ANKS6: variants seen among roughly 807,000 people sequenced by gnomAD.
ANKS6 encodes ankyrin repeat and sterile alpha motif domain containing 6.
Under a neutral mutation model 77.9 loss-of-function variants are expected in ANKS6, and 47 were observed. That is an observed-to-expected ratio of 0.60 (90% CI 0.48 to 0.77). The LOEUF (loss-of-function observed/expected upper bound fraction) is 0.77. Among genes scored for constraint, ANKS6 ranks in the 30% least tolerant of loss-of-function variants. The pLI is 0.00. For synonymous variants in ANKS6, 488 were observed against 501.7 expected (o/e 0.97, Z 0.37); for missense variants, 1,150 against 1,159.1 (o/e 0.99, Z 0.11).
rs1425219034 is a variant in ANKS6, at chr9:98,790,477, G to A, written c.489C>T (p.Leu163=). 3 of 1,613,564 alleles carry A rather than the reference G, an allele frequency of 1.9e-6. No individual in the cohort carries two copies. Among genetic ancestry groups the A allele is most frequent in the Admixed American group, 3.3e-5 (2 of 59,978 alleles). Residue 163 remains leucine (L), a synonymous_variant, in exon 2 of 15, where the codon CTC becomes CTT. Transcript: ENST00000353234. Reference sequence around the variant, plus strand: ...GGTCCACAAAGGCACCGGCTTCCAGGAGCAGCTTCACCACACCCAGGTGGC... The same window carrying A: ...GGTCCACAAAGGCACCGGCTTCCAGAAGCAGCTTCACCACACCCAGGTGGC... ...RGGHLGVVKL[L]LEAGAFVDHH...
chr9:98,742,826 C>T (rs1046913375), intron 14 of ANKS6, among the ~76,000 whole-genome samples: 6 of 121,460 alleles, frequency 4.9e-5, no homozygotes, highest in Non-Finnish European at 7.8e-5. Flanking sequence ...TGCAGACTGT[C>T]GCAGAAGAGG....
In ANKS6 at chr9:98,766,280, CATATA is replaced by C. The variant is rs1588370127; in HGVS notation, c.2142+1796_2142+1800del. Among the ~76,000 whole-genome samples the C allele has an allele frequency of 3.3e-5, 5 of 152,156 alleles. No homozygotes were observed. The East Asian group carries it at 7.7e-4, about 23-fold the overall frequency. ...TGATCAATACATCAAAATAATAGTT[CATATA>C]ATAGAGAATAGTTAATATAATTTAT... On this transcript the variant is annotated intron_variant, in intron 11 of 14. Transcript: ENST00000353234.
chr9:98,789,615 A>T (rs1427761210), intron 2 of ANKS6, among the ~76,000 whole-genome samples: 1 of 152,186 alleles, frequency 6.6e-6, no homozygotes, highest in African/African-American at 2.4e-5. Flanking sequence ...TTTTGTAGTT[A>T]TAATTTATTG....
chr9:98,755,778 A>G (rs898524629), intron 12 of ANKS6, among the ~76,000 whole-genome samples: 2 of 152,200 alleles, frequency 1.3e-5, no homozygotes, highest in African/African-American at 4.8e-5. Context: ...GGACACAGAG[A>G]TAGTCAAGGG....
In ANKS6 at chr9:98,734,720, C is replaced by A; in HGVS notation, c.*1799G>T. 1 of 950,064 alleles carries A rather than the reference C, an allele frequency of 1.1e-6. No individual in the cohort carries two copies. The highest frequency in any genetic ancestry group is 1.3e-6 in the Non-Finnish European group (1 of 797,740). 58.9% of individuals were successfully genotyped at this position (950,064 alleles called of 1,614,324 possible). On this transcript the variant is annotated 3_prime_UTR_variant, in exon 15 of 15. Transcript: ENST00000353234. ...ATGTGCAAGATGAGGTTACACAATG[C>A]CACCTCCAGGGTGGCCATGAGGATG...
chr9:98,796,135 G>C lies in ANKS6; in HGVS notation c.357C>G (p.Ala119=). ...HYGWSALMQA[A]RFGHVSVAHL... ...GCCCCCGGGCCCCGCCGCCTCACCTGGCCGCCTGCATGAGCGCGCTCCAGC... is the reference window on the plus strand; with the variant it reads ...GCCCCCGGGCCCCGCCGCCTCACCTCGCCGCCTGCATGAGCGCGCTCCAGC... The change falls in exon 1 of 15, where the codon GCC becomes GCG. Residue 119 remains alanine (A), a splice_region_variant and synonymous_variant. Coordinates refer to ENST00000353234, the MANE Select transcript of ANKS6 (RefSeq NM_173551.5). 1 of 1,375,874 alleles carries C rather than the reference G, an allele frequency of 7.3e-7. No individual in the cohort carries two copies. Among genetic ancestry groups the C allele is most frequent in the East Asian group, 3.1e-5 (1 of 32,280 alleles). The allele number at this position is 1,375,874 out of a possible 1,614,324, so 85.2% of individuals were successfully genotyped here. A position where few individuals can be genotyped will look rare whatever the true frequency, so the allele number is the denominator to read the frequency against.
chr9:98,767,996 G>A (rs1833393643), intron 11 of ANKS6, 85 bp downstream of exon 11: 1 of 1,487,342 alleles, frequency 6.7e-7, no homozygotes, highest in South Asian at 1.3e-5. Context: ...CCATGACTAA[G>A]GCACTGCCCA....
intron 4 of ANKS6, among the ~76,000 whole-genome samples, chr9:98,783,119 G>A (rs1248623856): frequency 1.3e-5 from 2 of 148,748 alleles, no homozygotes; most frequent in Non-Finnish European, 3.0e-5. Flanking sequence ...GGAAGGAAAA[G>A]GAAGGGGAGG....
At chr9:98,736,730 T>C (rs1831521691) in intron 14 of ANKS6, 107 bp from the exon 15 acceptor site, 2 of 1,345,400 alleles carry the variant, frequency 1.5e-6, no homozygotes, top group Non-Finnish European at 1.0e-6. Flanking sequence ...CAAAAACCCA[T>C]GGGCGTCTTG....
chr9:98,758,679 C>T (rs1832846434), intron 11 of ANKS6, among the ~76,000 whole-genome samples: 1 of 152,210 alleles, frequency 6.6e-6, no homozygotes, highest in East Asian at 1.9e-4. Flanking sequence ...CTGATTCATA[C>T]CGATACCTCT....
intron 5 of ANKS6, 47 bp downstream of exon 5, chr9:98,782,420 C>T: frequency 6.4e-7 from 1 of 1,554,982 alleles, no homozygotes. Flanking sequence ...ACTCCCAGTC[C>T]AAGAAACGCT....
chr9:98,750,955 G>T, intron 13 of ANKS6, 74 bp downstream of exon 13: 2 of 1,247,782 alleles, frequency 1.6e-6, no homozygotes, highest in South Asian at 1.3e-5. Flanking sequence ...CTTGCAAAAT[G>T]AAAACCTACA....
chr9:98,743,419 T>C (rs2131929259), intron 14 of ANKS6, among the ~76,000 whole-genome samples: 1 of 152,280 alleles, frequency 6.6e-6, no homozygotes, highest in East Asian at 1.9e-4. Flanking sequence ...ACCATTCCTT[T>C]AGTTCTTTAA....
At chr9:98,736,988 A>G (rs1261876268) in intron 14 of ANKS6, among the ~76,000 whole-genome samples, 3 of 152,188 alleles carry the variant, frequency 2.0e-5, no homozygotes, top group African/African-American at 4.8e-5. Flanking sequence ...AGATTTCCAG[A>G]TAATTCAATG....
chr9:98,778,385 T>G lies in ANKS6; in HGVS notation c.1408A>C (p.Lys470Gln), dbSNP rs766859940. 1.2e-6 allele frequency: 2 copies of G among 1,614,008 alleles called. No homozygotes were observed. Among genetic ancestry groups the G allele is most frequent in the African/African-American group, 2.7e-5 (2 of 74,900 alleles). Residue 470 changes from lysine to glutamine, a missense_variant, in exon 7 of 15, where the codon AAA (lysine) becomes CAA (glutamine). Lys to Gln is a moderately conservative substitution (Grantham distance 53). Transcript: ENST00000353234. Reference sequence around the variant, plus strand: ...CCACGGGGCAGCGTCTGCATCAGTTTGAGCTTTCGGAACCGATTGGACATT... The same window carrying G: ...CCACGGGGCAGCGTCTGCATCAGTTGGAGCTTTCGGAACCGATTGGACATT... ...NRMSNRFRKL[K>Q]LMQTLPRGLS... is the part of the protein sequence containing the mutation.
chr9:98,787,093 G>A (rs1834613604), intron 2 of ANKS6, among the ~76,000 whole-genome samples: 1 of 152,214 alleles, frequency 6.6e-6, no homozygotes, highest in African/African-American at 2.4e-5. Flanking sequence ...ATGAAAGGCA[G>A]AGACCAGGGG....
Position 98,796,397 on chromosome 9 carries a change from C to G in ANKS6, c.95G>C (p.Gly32Ala), listed in dbSNP as rs1337342690. 4.0e-6 allele frequency: 4 copies of G among 999,820 alleles called. No individual in the cohort carries two copies. The highest frequency in any genetic ancestry group is 3.5e-5 in the African/African-American group (2 of 56,970). The allele number at this position is 999,820 out of a possible 1,614,324, so 61.9% of individuals were successfully genotyped here. Reference protein sequence around the residue: ...TETARRLLEPGAAEPAERGAE... With the variant: ...TETARRLLEPAAAEPAERGAE... ...GCCGCGCTCGGCTGGCTCCGCCGCC[C>G]CCGGCTCCAGCAGCCGCCGCGCCGT... The change falls in exon 1 of 15, where the codon GGG becomes GCG. Residue 32 changes from glycine (G) to alanine (A), a missense_variant. Transcript: ENST00000353234.
intron 13 of ANKS6, 40 bp from the exon 14 acceptor site, chr9:98,745,715 CCA>C: frequency 6.7e-7 from 1 of 1,498,624 alleles, no homozygotes; most frequent in Non-Finnish European, 9.3e-7. Context: ...CTGCTGGATG[CCA>C]CAGTTTCTTC....
intron 8 of ANKS6, among the ~76,000 whole-genome samples, chr9:98,775,926 G>A (rs535800604): frequency 5.8e-4 from 89 of 152,324 alleles, no homozygotes; most frequent in African/African-American, 2.0e-3. Context: ...GCAGGGAGCC[G>A]TGGGCAGATT....
Sources: allele counts gnomAD v4.1 joint callset (sites outside exome capture counted in the v4.1 genomes callset), GRCh38; gene constraint gnomAD v4.1.1; transcripts MANE v1.5; gene names NCBI Gene and HGNC (gene_info 2026-07-23, HGNC 2026-07-21).